The following ZDHHC16 variants were observed in gnomAD, a reference collection of about 807,000 sequenced individuals.
ZDHHC16 encodes palmitoyltransferase ZDHHC16.
A neutral mutation model predicts 54.4 loss-of-function variants in ZDHHC16; 33 were observed. That is an observed-to-expected ratio of 0.61 (90% CI 0.46 to 0.81). ZDHHC16 has a LOEUF of 0.81. Among genes scored for constraint, ZDHHC16 ranks in the 30% least tolerant of loss-of-function variants. The pLI is 0.00. For missense variants in ZDHHC16, 420 were observed against 485.9 expected (o/e 0.86, Z 1.28); for synonymous variants, 185 against 182.1 (o/e 1.02, Z -0.13).
At chr10:97,452,832 G>A in intron 5 of ZDHHC16, 63 bp from the exon 6 acceptor site, 1 of 1,609,164 alleles carries the variant, frequency 6.2e-7, no homozygotes, top group Non-Finnish European at 8.5e-7. Flanking sequence ...TGTAGGGAAG[G>A]ATTGGCACTG....
chr10:97,450,110 A>T (rs1846482037), intron 1 of ZDHHC16, among the ~76,000 whole-genome samples: 4 of 150,780 alleles, frequency 2.7e-5, no homozygotes, highest in Non-Finnish European at 3.0e-5. Context: ...TGACCTCATG[A>T]TCCACCCGCC....
chr10:97,455,249 G>C (rs1847056898), intron 9 of ZDHHC16, among the ~76,000 whole-genome samples: 1 of 152,140 alleles, frequency 6.6e-6, no homozygotes. Context: ...TCCCAAGCAT[G>C]GGTATTTTAG....
chr10:97,452,639 C>T lies in ZDHHC16; in HGVS notation c.527+136C>T, dbSNP rs1408461381. ...CAGGTGATGTGCCCTCTTCTCCTGA[C>T]ACCTCATCCTTAGGATGGTCCTGTG... On this transcript the variant is annotated intron_variant, in intron 5 of 11. Transcript: ENST00000393760. The T allele has an allele frequency of 1.1e-5, 11 of 1,036,102 alleles. No homozygotes were observed. The South Asian group carries it at 1.1e-4, about 10-fold the overall frequency. 64.2% of individuals were successfully genotyped at this position (1,036,102 alleles called of 1,614,324 possible).
chr10:97,455,504 T>G, intron 9 of ZDHHC16, 156 bp from the exon 10 acceptor site: 1 of 1,265,500 alleles, frequency 7.9e-7, no homozygotes, highest in Non-Finnish European at 1.1e-6. Context: ...TTTATAGACA[T>G]AGTGAAGTAA....
At chr10:97,456,628 A>C (rs1385119312) in intron 11 of ZDHHC16, 149 bp from the exon 12 acceptor site, 7 of 585,264 alleles carry the variant, frequency 1.2e-5, no homozygotes, top group Admixed American at 6.3e-5. Flanking sequence ...TGTTGGATAA[A>C]ATTGGGTAGC....
chr10:97,453,861 C>T lies in ZDHHC16; in HGVS notation c.738+15C>T. 2 of 1,614,154 alleles carry T rather than the reference C, an allele frequency of 1.2e-6. No homozygotes were observed. Among genetic ancestry groups the T allele is most frequent in the Non-Finnish European group, 1.7e-6 (2 of 1,180,036 alleles). The stretch of plus-strand genomic sequence containing the variant: ...TTGCCAACCAGGTGGGCTGTCCCCA[C>T]CCCACTGCCTCCTGCTGCTCAGGCC... On this transcript the variant is annotated intron_variant, in intron 8 of 11. Transcript: ENST00000393760.
intron 11 of ZDHHC16, chr10:97,456,501 G>A (rs575517879): frequency 2.5e-4 from 82 of 323,260 alleles, no homozygotes; most frequent in Non-Finnish European, 4.1e-4. Flanking sequence ...ATGAACAGAC[G>A]TGCCTTCCCT....
intron 8 of ZDHHC16, among the ~76,000 whole-genome samples, 180 bp downstream of exon 8, chr10:97,454,026 G>A (rs1057018472): frequency 6.6e-6 from 1 of 152,228 alleles, no homozygotes; most frequent in African/African-American, 2.4e-5. Context: ...CTACAGGCAA[G>A]CTGGAAGTCC....
In ZDHHC16 at chr10:97,453,857, C is replaced by T. The variant is rs373346355; in HGVS notation, c.738+11C>T. 23 of 1,614,116 alleles carry T rather than the reference C, an allele frequency of 1.4e-5. No individual in the cohort carries two copies. The African/African-American group carries it at 3.1e-4, about 22-fold the overall frequency. Reference sequence around the variant, plus strand: ...GCGGTTGCCAACCAGGTGGGCTGTCCCCACCCCACTGCCTCCTGCTGCTCA... The same window carrying T: ...GCGGTTGCCAACCAGGTGGGCTGTCTCCACCCCACTGCCTCCTGCTGCTCA... On this transcript the variant is annotated intron_variant, in intron 8 of 11. Transcript: ENST00000393760.
At chr10:97,447,425 G>A (rs1266328286) in intron 1 of ZDHHC16, among the ~76,000 whole-genome samples, 1 of 152,216 alleles carries the variant, frequency 6.6e-6, no homozygotes, top group Non-Finnish European at 1.5e-5. Flanking sequence ...GAAGAGGGGA[G>A]TGTTGTGGCC....
intron 10 of ZDHHC16, 70 bp downstream of exon 10, chr10:97,455,853 T>C (rs1847125428): frequency 6.2e-7 from 1 of 1,602,956 alleles, no homozygotes; most frequent in Non-Finnish European, 8.5e-7. Flanking sequence ...ACAGAGGCCA[T>C]GGGCAGGGCT....
In ZDHHC16 at chr10:97,446,226, G is replaced by T; in HGVS notation, c.-313G>T. 1 of 615,034 alleles carries T rather than the reference G, an allele frequency of 1.6e-6. No individual in the cohort carries two copies. Among genetic ancestry groups the T allele is most frequent in the Non-Finnish European group, 2.9e-6 (1 of 350,658 alleles). 38.1% of individuals were successfully genotyped at this position (615,034 alleles called of 1,614,324 possible). ...TCCGGGTCCGCTGCCTGGCGCTGCG[G>T]GCGGCGGGCCATGGTGGTTTGGATT... On this transcript the variant is annotated 5_prime_UTR_variant, in exon 1 of 12. Transcript: ENST00000393760.
At chr10:97,450,184 T>C (rs529893869) in intron 1 of ZDHHC16, among the ~76,000 whole-genome samples, 173 bp from the exon 2 acceptor site, 2 of 152,226 alleles carry the variant, frequency 1.3e-5, no homozygotes, top group South Asian at 4.1e-4. Flanking sequence ...CCTTAATTCT[T>C]TTAGCTTCCT....
At chr10:97,453,183 GGTT>G (rs1846813457) in intron 6 of ZDHHC16, among the ~76,000 whole-genome samples, 1 of 152,182 alleles carries the variant, frequency 6.6e-6, no homozygotes, top group Middle Eastern at 3.2e-3. Flanking sequence ...GGGCTTCTGT[GGTT>G]GTTTACTGTG....
chr10:97,449,483 C>T (rs917716875), intron 1 of ZDHHC16, among the ~76,000 whole-genome samples: 2 of 152,146 alleles, frequency 1.3e-5, no homozygotes, highest in African/African-American at 4.8e-5. Context: ...ATTCATGCTA[C>T]AAGCCAAATC....
intron 1 of ZDHHC16, among the ~76,000 whole-genome samples, chr10:97,447,210 A>G (rs1469027069): frequency 6.6e-6 from 1 of 152,230 alleles, no homozygotes; most frequent in African/African-American, 2.4e-5. Flanking sequence ...GGAGGTCTGC[A>G]CATGAATAAA....
chr10:97,454,551 C>T (rs1227544609), intron 8 of ZDHHC16, among the ~76,000 whole-genome samples, 163 bp from the exon 9 acceptor site: 1 of 152,184 alleles, frequency 6.6e-6, no homozygotes, highest in Non-Finnish European at 1.5e-5. Context: ...GTGGTGATGC[C>T]GCTGGGCTTG....
At position 97,446,337 on chromosome 10, in the gene ZDHHC16, G is replaced by T; in HGVS notation, c.-202G>T. The stretch of plus-strand genomic sequence containing the variant: ...ACGGGGCTCGGTTTGGCTGACTGGG[G>T]AGTCGGCAGGCGGCAGGTAAGGGCG... On this transcript the variant is annotated 5_prime_UTR_variant, in exon 1 of 12. Transcript: ENST00000393760. 2.4e-6 allele frequency: 1 copy of T among 412,122 alleles called. No individual in the cohort carries two copies. Among genetic ancestry groups the T allele is most frequent in the Non-Finnish European group, 4.4e-6 (1 of 226,212 alleles). The allele number at this position is 412,122 out of a possible 1,614,324, so 25.5% of individuals were successfully genotyped here.
At chr10:97,455,180 G>A (rs1438515760) in intron 9 of ZDHHC16, among the ~76,000 whole-genome samples, 4 of 152,182 alleles carry the variant, frequency 2.6e-5, no homozygotes, top group Non-Finnish European at 5.9e-5. Flanking sequence ...TATTAGCACT[G>A]GAATTTGAAT....
Sources: allele counts gnomAD v4.1 joint callset (sites outside exome capture counted in the v4.1 genomes callset), GRCh38; gene constraint gnomAD v4.1.1; transcripts MANE v1.5; gene names NCBI Gene and HGNC (gene_info 2026-07-23, HGNC 2026-07-21).